PALS2: variants seen among roughly 807,000 people sequenced by gnomAD.
PALS2 encodes protein associated with LIN7 2, MAGUK p55 family member.
PALS2 carries 27 observed loss-of-function variants against 61.6 expected under a neutral mutation model. That is an observed-to-expected ratio of 0.44 (90% CI 0.32 to 0.60). PALS2 has a LOEUF of 0.60. Ranked by LOEUF, PALS2 falls within the 20% of genes least tolerant of loss-of-function variation. PALS2 has a pLI of 0.05. For missense variants in PALS2, 554 were observed against 639.4 expected (o/e 0.87, Z 1.44); for synonymous variants, 236 against 218.6 (o/e 1.08, Z -0.70).
At chr7:24,668,392 T>C (rs1286814544) in intron 8 of PALS2, 107 bp from the exon 9 acceptor site, 2 of 1,023,130 alleles carry the variant, frequency 2.0e-6, no homozygotes, top group East Asian at 5.2e-5. Flanking sequence ...ACAAGTCAAG[T>C]GATATTTAAC....
intron 9 of PALS2, among the ~76,000 whole-genome samples, chr7:24,669,711 T>C (rs1787203603): frequency 6.6e-6 from 1 of 152,192 alleles, no homozygotes; most frequent in South Asian, 2.1e-4. Context: ...CTCTTATTGC[T>C]AAAATTCTTA....
rs1788299475 is a variant in PALS2, at chr7:24,688,130, C to T, written c.*516C>T. ...ATTTTAAGTCAGTGTTATAGCTAGT[C>T]TACTACCATCTAAATCTGACATCAA... On this transcript the variant is annotated 3_prime_UTR_variant, in exon 12 of 12. Coordinates refer to ENST00000222644, the MANE Select transcript of PALS2 (RefSeq NM_001303037.2). 1 of 152,256 alleles carries T rather than the reference C, an allele frequency of 6.6e-6. No individual in the cohort carries two copies. Among genetic ancestry groups the T allele is most frequent in the Non-Finnish European group, 1.5e-5 (1 of 68,082 alleles). 9.4% of individuals were successfully genotyped at this position (152,256 alleles called of 1,614,324 possible).
intron 1 of PALS2, among the ~76,000 whole-genome samples, chr7:24,605,084 C>G (rs2128049230): frequency 6.6e-6 from 1 of 152,208 alleles, no homozygotes; most frequent in African/African-American, 2.4e-5. Context: ...TTTATATTTG[C>G]TTTTTTGCAG....
intron 1 of PALS2, among the ~76,000 whole-genome samples, chr7:24,584,458 T>G (rs1293507963): frequency 2.7e-5 from 4 of 149,840 alleles, no homozygotes; most frequent in Non-Finnish European, 5.9e-5. Context: ...CATAAATGTC[T>G]TCTTTTGAGA....
At chr7:24,665,541 C>A (rs1163455685) in intron 6 of PALS2, 47 bp from the exon 7 acceptor site, 1 of 1,553,536 alleles carries the variant, frequency 6.4e-7, no homozygotes, top group Non-Finnish European at 8.9e-7. Flanking sequence ...AGAATATGGT[C>A]TCAAATTTTG....
At chr7:24,591,540 A>G (rs1039927798) in intron 1 of PALS2, among the ~76,000 whole-genome samples, 2 of 152,142 alleles carry the variant, frequency 1.3e-5, no homozygotes, top group Non-Finnish European at 2.9e-5. Context: ...AAAATAAATA[A>G]AATGCCATAT....
chr7:24,574,504 C>T (rs1159101572), intron 1 of PALS2, among the ~76,000 whole-genome samples: 2 of 151,906 alleles, frequency 1.3e-5, no homozygotes, highest in Non-Finnish European at 2.9e-5. Flanking sequence ...AAACTTCCAT[C>T]AGTTGGGTGT....
intron 1 of PALS2, among the ~76,000 whole-genome samples, chr7:24,621,714 GCCATTTAGTACTACAA>G (rs1784529066): frequency 6.6e-6 from 1 of 151,892 alleles, no homozygotes; most frequent in Non-Finnish European, 1.5e-5. Context: ...TATTTTATAA[GCCATTTAGTACTACAA>G]TCTGACTTTT....
At chr7:24,682,477 C>T (rs1562666116) in intron 11 of PALS2, among the ~76,000 whole-genome samples, 1 of 152,192 alleles carries the variant, frequency 6.6e-6, no homozygotes, top group Admixed American at 6.5e-5. Context: ...ACTCAAGAGT[C>T]CTGTAGGCTC....
intron 2 of PALS2, 139 bp from the exon 3 acceptor site, chr7:24,641,577 G>C (rs940022626): frequency 3.0e-6 from 2 of 666,874 alleles, no homozygotes; most frequent in Non-Finnish European, 4.8e-6. Context: ...TATTGCCTCT[G>C]GTTGAAGTAT....
rs1431384420 is a variant in PALS2, at chr7:24,690,756, G to A, written c.*3142G>A. 1 of 152,082 alleles carries A rather than the reference G, an allele frequency of 6.6e-6. No individual in the cohort carries two copies. The highest frequency in any genetic ancestry group is 6.6e-5 in the Admixed American group (1 of 15,266). The allele number at this position is 152,082 out of a possible 1,614,324, so 9.4% of individuals were successfully genotyped here. A position where few individuals can be genotyped will look rare whatever the true frequency, so the allele number is the denominator to read the frequency against. Reference sequence around the variant, plus strand: ...CACATGTCAAATACATCAGGACTTTGTTTATTTTGGCTAACTCTAACTATA... The same window carrying A: ...CACATGTCAAATACATCAGGACTTTATTTATTTTGGCTAACTCTAACTATA... On this transcript the variant is annotated 3_prime_UTR_variant, in exon 12 of 12. Transcript: ENST00000222644.
intron 2 of PALS2, chr7:24,624,144 A>T: frequency 6.2e-6 from 8 of 1,287,322 alleles, no homozygotes; most frequent in African/African-American, 1.5e-5. Context: ...TAGACTGTGT[A>T]CCTACTTTTC....
At chr7:24,581,135 C>T (rs1397500354) in intron 1 of PALS2, among the ~76,000 whole-genome samples, 1 of 152,120 alleles carries the variant, frequency 6.6e-6, no homozygotes, top group East Asian at 1.9e-4. Flanking sequence ...TTACTTGTTG[C>T]CTTTTCCAGT....
chr7:24,592,617 C>A (rs187286202), intron 1 of PALS2, among the ~76,000 whole-genome samples: 7 of 152,164 alleles, frequency 4.6e-5, no homozygotes, highest in East Asian at 1.9e-4. Context: ...TCAGAGATAT[C>A]ACGGGTTCAG....
chr7:24,663,697 T>C lies in PALS2; in HGVS notation c.759T>C (p.Asn253=), dbSNP rs1786860550. 1.2e-6 allele frequency: 2 copies of C among 1,610,678 alleles called. No individual in the cohort carries two copies. Among genetic ancestry groups the C allele is most frequent in the South Asian group, 1.1e-5 (1 of 90,964 alleles). ...FSKGEILQIV[N]REDPNWWQAS... is the part of the protein sequence containing the mutation. ...AAGGAGAGATTCTTCAGATTGTAAATAGAGAAGATCCAAATTGGTGGCAGG... is the reference window on the plus strand; with the variant it reads ...AAGGAGAGATTCTTCAGATTGTAAACAGAGAAGATCCAAATTGGTGGCAGG... Residue 253 remains asparagine (N), a synonymous_variant, in exon 6 of 12, where the codon AAT becomes AAC. Coordinates refer to ENST00000222644, the MANE Select transcript of PALS2 (RefSeq NM_001303037.2).
intron 2 of PALS2, among the ~76,000 whole-genome samples, chr7:24,636,726 T>A (rs757605146): frequency 9.3e-4 from 141 of 152,216 alleles, no homozygotes; most frequent in Non-Finnish European, 1.2e-3. Context: ...TGTGAATTTC[T>A]TTGCTGAAAC....
chr7:24,623,672 A>G lies in PALS2; in HGVS notation c.5A>G (p.Gln2Arg). The stretch of plus-strand genomic sequence containing the variant: ...GTTGCTTTTATCTCAGCAGCAATGC[A>G]GCAAGTCTTGGAAAACCTTACGGAG... M[Q>R]QVLENLTELP... Residue 2 changes from glutamine (Q) to arginine (R), a missense_variant, in exon 2 of 12, where the codon CAG becomes CGG. Transcript: ENST00000222644. 2 of 1,568,272 alleles carry G rather than the reference A, an allele frequency of 1.3e-6. No homozygotes were observed. The highest frequency in any genetic ancestry group is 1.7e-6 in the Non-Finnish European group (2 of 1,156,832).
intron 7 of PALS2, 62 bp downstream of exon 7, chr7:24,665,749 T>C: frequency 6.9e-7 from 1 of 1,444,598 alleles, no homozygotes; most frequent in Non-Finnish European, 9.7e-7. Flanking sequence ...TTTGTCTCTT[T>C]TGTCTAAATA....
intron 5 of PALS2, among the ~76,000 whole-genome samples, chr7:24,654,291 A>C (rs1444254081): frequency 6.6e-6 from 1 of 152,064 alleles, no homozygotes; most frequent in South Asian, 2.1e-4. Context: ...CCATAAGTAC[A>C]GTATGACAAA....
Sources: gnomAD v4.1 joint callset for allele counts (sites outside exome capture counted in the v4.1 genomes callset) on GRCh38, gnomAD v4.1.1 for gene constraint, MANE v1.5 for transcripts, NCBI Gene and HGNC (gene_info 2026-07-23, HGNC 2026-07-21) for gene names.